The following CAMTA1 variants were observed in gnomAD, a reference collection of about 807,000 sequenced individuals.
CAMTA1 encodes calmodulin-binding transcription activator 1.
CAMTA1 carries 27 observed loss-of-function variants against 170.9 expected under a neutral mutation model. That is an observed-to-expected ratio of 0.16 (90% CI 0.12 to 0.22). The LOEUF is 0.22. Ranked by LOEUF, CAMTA1 falls within the 10% of genes least tolerant of loss-of-function variation. CAMTA1 has a pLI of 1.00. For missense variants in CAMTA1, 1,619 were observed against 2,217.2 expected (o/e 0.73, Z 5.42); for synonymous variants, 833 against 891.5 (o/e 0.93, Z 1.17).
chr1:6,932,923 C>T (rs116761425), intron 3 of CAMTA1, among the ~76,000 whole-genome samples: 2,237 of 152,146 alleles, frequency 0.015, 45 homozygotes, highest in African/African-American at 0.051. Context: ...CAGAGATTTT[C>T]TTCCAGTCTG....
intron 5 of CAMTA1, among the ~76,000 whole-genome samples, chr1:7,467,229 G>T (rs1359486574): frequency 6.6e-6 from 1 of 152,128 alleles, no homozygotes; most frequent in African/African-American, 2.4e-5. Flanking sequence ...TGCAAAAGAT[G>T]CAGGATTACT....
chr1:7,432,774 C>T (rs2092218658), intron 5 of CAMTA1, among the ~76,000 whole-genome samples: 1 of 152,240 alleles, frequency 6.6e-6, no homozygotes, highest in South Asian at 2.1e-4. Flanking sequence ...CCTGCATCTC[C>T]TGTTATCTCT....
At chr1:6,953,302 G>C (rs542736214) in intron 3 of CAMTA1, among the ~76,000 whole-genome samples, 2 of 152,284 alleles carry the variant, frequency 1.3e-5, no homozygotes, top group South Asian at 4.1e-4. Flanking sequence ...CATGTCCCTG[G>C]CCCTTGTGAG....
At chr1:7,702,507 C>T (rs1191065337) in intron 11 of CAMTA1, among the ~76,000 whole-genome samples, 2 of 152,142 alleles carry the variant, frequency 1.3e-5, no homozygotes, top group Non-Finnish European at 1.5e-5. Flanking sequence ...CTCCTGTCAG[C>T]CTCCACCCCT....
chr1:7,112,322 T>G (rs1191183575), intron 4 of CAMTA1, among the ~76,000 whole-genome samples: 1 of 152,214 alleles, frequency 6.6e-6, no homozygotes, highest in African/African-American at 2.4e-5. Flanking sequence ...ACAATTCCTG[T>G]GGGTAATTTT....
At chr1:7,567,765 A>G (rs1170445166) in intron 6 of CAMTA1, among the ~76,000 whole-genome samples, 2 of 152,140 alleles carry the variant, frequency 1.3e-5, no homozygotes, top group African/African-American at 4.8e-5. Flanking sequence ...CAGTCTATGG[A>G]CTTCAAGTCT....
intron 4 of CAMTA1, among the ~76,000 whole-genome samples, chr1:7,149,677 G>A (rs1646453702): frequency 6.6e-6 from 1 of 152,170 alleles, no homozygotes; most frequent in African/African-American, 2.4e-5. Flanking sequence ...GCCACTGGGT[G>A]CTCAGCTCTC....
At chr1:7,671,177 TC>T (rs2096057401) in intron 10 of CAMTA1, 140 bp downstream of exon 10, 1 of 898,124 alleles carries the variant, frequency 1.1e-6, no homozygotes, top group African/African-American at 1.7e-5. Flanking sequence ...AAGAAGCGGA[TC>T]CCCGATAGTC....
intron 6 of CAMTA1, among the ~76,000 whole-genome samples, chr1:7,604,567 A>G (rs192667657): frequency 2.6e-5 from 4 of 152,092 alleles, no homozygotes; most frequent in African/African-American, 4.8e-5. Flanking sequence ...TGGTTATTCT[A>G]GCTAGCCATT....
intron 7 of CAMTA1, among the ~76,000 whole-genome samples, chr1:7,660,521 G>A (rs1382703583): frequency 6.6e-6 from 1 of 152,164 alleles, no homozygotes; most frequent in East Asian, 1.9e-4. Flanking sequence ...CTGAGCAACA[G>A]AGTGACACCT....
At chr1:7,632,977 G>A (rs1330980439) in intron 6 of CAMTA1, among the ~76,000 whole-genome samples, 3 of 152,230 alleles carry the variant, frequency 2.0e-5, no homozygotes, top group Admixed American at 6.5e-5. Flanking sequence ...ACACATGAGC[G>A]CTGCTGGGGG....
At chr1:7,516,621 C>G (rs1185805754) in intron 6 of CAMTA1, among the ~76,000 whole-genome samples, 1 of 152,178 alleles carries the variant, frequency 6.6e-6, no homozygotes. Flanking sequence ...ATTTCTCCAC[C>G]CCAAGACAAG....
At chr1:6,888,126 T>C (rs1244895830) in intron 3 of CAMTA1, 1 of 984,136 alleles carries the variant, frequency 1.0e-6, no homozygotes, top group Non-Finnish European at 1.2e-6. Flanking sequence ...AGGGCCTTTG[T>C]CTTGTCCCCT....
At chr1:7,055,683 C>T (rs1330651225) in intron 3 of CAMTA1, among the ~76,000 whole-genome samples, 12 of 152,200 alleles carry the variant, frequency 7.9e-5, no homozygotes, top group Admixed American at 7.8e-4. Flanking sequence ...GGTGGCTTGG[C>T]CCTTATCAGG....
intron 4 of CAMTA1, among the ~76,000 whole-genome samples, chr1:7,147,511 G>T (rs79593461): frequency 2.7e-3 from 382 of 143,750 alleles, no homozygotes; most frequent in African/African-American, 9.8e-3. Flanking sequence ...TATACACCAT[G>T]CATGCACACT....
chr1:7,081,224 TA>T (rs1639973182), intron 3 of CAMTA1, among the ~76,000 whole-genome samples: 1 of 152,230 alleles, frequency 6.6e-6, no homozygotes, highest in East Asian at 1.9e-4. Context: ...GTGATGATTA[TA>T]ATAATAATGA....
At position 7,663,787 on chromosome 1, in the gene CAMTA1, C is replaced by T. The variant is rs2095980832; in HGVS notation, c.1240C>T (p.Pro414Ser). The T allele has an allele frequency of 9.9e-6, 16 of 1,614,114 alleles. No homozygotes were observed. The highest frequency in any genetic ancestry group is 1.4e-5 in the Non-Finnish European group (16 of 1,180,022). The change falls in exon 9 of 23, where the codon CCC becomes TCC. Residue 414 changes from proline (P) to serine (S), a missense_variant. This residue lies in a region of CAMTA1 where 731 missense variants were observed against 907.6 expected (regional missense o/e 0.81). Transcript: ENST00000303635. Reference protein sequence around the residue: ...VTNEAVYTMSPTAGPNHHLLS... With the variant: ...VTNEAVYTMSSTAGPNHHLLS... ...CAATGAGGCCGTGTACACCATGTCC[C>T]CCACCGCTGGCCCCAACCACCACCT... is the stretch of plus-strand genomic sequence containing the variant.
At chr1:6,841,634 G>A (rs1655751871) in intron 3 of CAMTA1, among the ~76,000 whole-genome samples, 1 of 152,164 alleles carries the variant, frequency 6.6e-6, no homozygotes, top group Admixed American at 6.5e-5. Flanking sequence ...AAGCACAGAG[G>A]ACAGCTCTGA....
At chr1:7,308,989 GT>G (rs1196017930) in intron 5 of CAMTA1, among the ~76,000 whole-genome samples, 3 of 152,154 alleles carry the variant, frequency 2.0e-5, no homozygotes, top group Admixed American at 2.0e-4. Flanking sequence ...ATATTTGAAA[GT>G]TGTTATTATG....
Sources: allele counts gnomAD v4.1 joint callset (sites outside exome capture counted in the v4.1 genomes callset), GRCh38; gene constraint gnomAD v4.1.1; regional missense constraint gnomAD v4.1.1; transcripts MANE v1.5; gene names NCBI Gene and HGNC (gene_info 2026-07-23, HGNC 2026-07-21).